The following RAP1A variants were observed in gnomAD, a reference collection of about 807,000 sequenced individuals.
RAP1A encodes RAP1A, member of RAS oncogene family.
RAP1A carries 6 observed loss-of-function variants against 26.4 expected under a neutral mutation model. The observed-to-expected ratio is 0.23, with a 90% CI of 0.12 to 0.45. The LOEUF is 0.45. Ranked by LOEUF, RAP1A falls within the 20% of genes least tolerant of loss-of-function variation. RAP1A has a pLI of 0.99. For missense variants in RAP1A, 121 were observed against 217.2 expected (o/e 0.56, Z 2.78); for synonymous variants, 73 against 79.4 (o/e 0.92, Z 0.43).
chr1:111,667,812 A>G (rs1660844129), intron 1 of RAP1A, among the ~76,000 whole-genome samples: 1 of 152,200 alleles, frequency 6.6e-6, no homozygotes. Context: ...AGGAACTGAC[A>G]TAAGATATGC....
intron 1 of RAP1A, among the ~76,000 whole-genome samples, chr1:111,667,150 T>C (rs922519416): frequency 5.9e-5 from 9 of 152,162 alleles, no homozygotes; most frequent in Non-Finnish European, 7.3e-5. Flanking sequence ...GCTAGAGTCA[T>C]GTAGTGGAAA....
At chr1:111,566,177 T>C (rs1198142492) in intron 1 of RAP1A, among the ~76,000 whole-genome samples, 1 of 152,082 alleles carries the variant, frequency 6.6e-6, no homozygotes, top group Non-Finnish European at 1.5e-5. Flanking sequence ...GCTGGGATTG[T>C]TGCAAAGGTC....
intron 1 of RAP1A, among the ~76,000 whole-genome samples, chr1:111,605,242 G>A (rs1017005178): frequency 7.9e-5 from 12 of 152,130 alleles, no homozygotes; most frequent in African/African-American, 2.2e-4. Context: ...CAATTTACCC[G>A]ACCGATTACC....
At chr1:111,653,627 G>C (rs1557879386) in intron 1 of RAP1A, among the ~76,000 whole-genome samples, 1 of 142,516 alleles carries the variant, frequency 7.0e-6, no homozygotes, top group Non-Finnish European at 1.5e-5. Context: ...AGGTTGCAGT[G>C]AGCCGAGATC....
chr1:111,547,854 G>T (rs1482730884), intron 1 of RAP1A, among the ~76,000 whole-genome samples: 1 of 152,164 alleles, frequency 6.6e-6, no homozygotes, highest in Non-Finnish European at 1.5e-5. Flanking sequence ...CTAAAGCTTT[G>T]TCTAACTCTC....
chr1:111,617,860 G>A (rs1330000800), upstream of RAP1A, among the ~76,000 whole-genome samples: 2 of 151,692 alleles, frequency 1.3e-5, no homozygotes, highest in Non-Finnish European at 3.0e-5. Context: ...CCTGGCCAAC[G>A]TGGAGAAACC....
chr1:111,680,513 T>C (rs1272181389), intron 1 of RAP1A: 2 of 152,238 alleles, frequency 1.3e-5, no homozygotes, highest in African/African-American at 4.8e-5. Context: ...TTTTACAGAG[T>C]GCATTTACAA....
intron 1 of RAP1A, among the ~76,000 whole-genome samples, chr1:111,690,584 A>G (rs887657904): frequency 6.6e-6 from 1 of 152,212 alleles, no homozygotes; most frequent in Admixed American, 6.5e-5. Context: ...TTATTATCCA[A>G]TATCTAAAAA....
At chr1:111,675,591 C>G (rs1043818538) in intron 1 of RAP1A, among the ~76,000 whole-genome samples, 1 of 152,164 alleles carries the variant, frequency 6.6e-6, no homozygotes, top group East Asian at 1.9e-4. Flanking sequence ...TTGTTTCTTT[C>G]TCCTTTATAA....
intron 1 of RAP1A, among the ~76,000 whole-genome samples, chr1:111,587,865 C>A (rs1272650703): frequency 2.0e-5 from 3 of 152,176 alleles, no homozygotes; most frequent in African/African-American, 7.2e-5. Flanking sequence ...AACATCTGTT[C>A]CTTTTGGTTA....
intron 1 of RAP1A, among the ~76,000 whole-genome samples, chr1:111,596,512 T>C (rs767373268): frequency 2.0e-5 from 3 of 152,268 alleles, no homozygotes; most frequent in Non-Finnish European, 4.4e-5. Flanking sequence ...ATGTCTGTCT[T>C]CTTCATTGCC....
intron 1 of RAP1A, among the ~76,000 whole-genome samples, chr1:111,574,897 C>CA (rs756444963): frequency 1.3e-5 from 2 of 151,856 alleles, no homozygotes; most frequent in African/African-American, 2.4e-5. Context: ...TGTGGCTACA[C>CA]AAAAAAATGA....
chr1:111,685,684 A>G (rs927913426), intron 1 of RAP1A, among the ~76,000 whole-genome samples: 2 of 152,208 alleles, frequency 1.3e-5, no homozygotes, highest in African/African-American at 4.8e-5. Context: ...TAGGAGTGTA[A>G]ATTAGTTCAA....
intron 1 of RAP1A, among the ~76,000 whole-genome samples, chr1:111,647,887 A>C (rs1402783578): frequency 6.6e-6 from 1 of 152,122 alleles, no homozygotes; most frequent in African/African-American, 2.4e-5. Context: ...ATGTTTAGTC[A>C]TAGGTATTTA....
At chr1:111,698,262 A>T (rs1661901077) in intron 4 of RAP1A, among the ~76,000 whole-genome samples, 1 of 152,026 alleles carries the variant, frequency 6.6e-6, no homozygotes, top group African/African-American at 2.4e-5. Context: ...TTAGCTTTAA[A>T]ATGGATGGGT....
chr1:111,656,786 G>GT (rs762574019), intron 1 of RAP1A, among the ~76,000 whole-genome samples: 1,485 of 144,594 alleles, frequency 0.01, 17 homozygotes, highest in Non-Finnish European at 0.011. Context: ...TGCTCTGATT[G>GT]TTTTTTTTTT....
intron 1 of RAP1A, among the ~76,000 whole-genome samples, chr1:111,584,248 C>T (rs1242088085): frequency 6.6e-6 from 1 of 152,070 alleles, no homozygotes; most frequent in African/African-American, 2.4e-5. Flanking sequence ...ACAAGATGTA[C>T]CACAGATTAA....
At chr1:111,557,869 C>A (rs541276091) in intron 1 of RAP1A, among the ~76,000 whole-genome samples, 10 of 152,224 alleles carry the variant, frequency 6.6e-5, no homozygotes, top group African/African-American at 2.2e-4. Context: ...TGAGTAACAG[C>A]ACTCTAAGCT....
chr1:111,574,640 G>A lies in RAP1A; in HGVS notation c.-28+32131G>A, dbSNP rs144663847. ...GTTATGTCTGATTTCTTTGAGCAGCGTTTTGTAATTCTCACTGTAGAGATC... is the reference window on the plus strand; with the variant it reads ...GTTATGTCTGATTTCTTTGAGCAGCATTTTGTAATTCTCACTGTAGAGATC... On this transcript the variant is annotated intron_variant, in intron 1 of 7. Coordinates refer to the RAP1A transcript ENST00000356415. Among the ~76,000 whole-genome samples the A allele has an allele frequency of 1.6e-4, 25 of 152,324 alleles. No homozygotes were observed. The East Asian group carries it at 3.3e-3, about 20-fold the overall frequency.
Sources: gnomAD v4.1 joint callset for allele counts (sites outside exome capture counted in the v4.1 genomes callset) on GRCh38, gnomAD v4.1.1 for gene constraint, MANE v1.5 for transcripts, NCBI Gene and HGNC (gene_info 2026-07-23, HGNC 2026-07-21) for gene names.